Variants in PTCHD4 observed in about 807,000 individuals in gnomAD.
PTCHD4 encodes patched domain containing 4, also known as patched domain-containing protein 4.
PTCHD4 carries 33 observed loss-of-function variants against 58.1 expected under a neutral mutation model. The ratio of observed to expected loss-of-function variants is 0.57; its 90% CI spans 0.43 to 0.76. The LOEUF (loss-of-function observed/expected upper bound fraction) is 0.76. Ranked by LOEUF, PTCHD4 falls within the 30% of genes least tolerant of loss-of-function variation. The pLI is 0.00. For missense variants in PTCHD4, 1,058 were observed against 1,027.1 expected (o/e 1.03, Z -0.41); for synonymous variants, 478 against 409.6 (o/e 1.17, Z -2.02).
At chr6:47,947,173 A>G (rs1394349616) in intron 4 of PTCHD4, among the ~76,000 whole-genome samples, 2 of 151,996 alleles carry the variant, frequency 1.3e-5, no homozygotes, top group Admixed American at 6.6e-5. Flanking sequence ...AGAAATGTTT[A>G]TGTGCATATT....
rs904471685 is a variant in PTCHD4, at chr6:47,858,919, C to A, written c.*19384G>T. Among the ~76,000 whole-genome samples the A allele has an allele frequency of 3.3e-5, 5 of 151,984 alleles. No individual in the cohort carries two copies. Among genetic ancestry groups the A allele is most frequent in the Non-Finnish European group, 5.9e-5 (4 of 67,952 alleles). On this transcript the variant is annotated 3_prime_UTR_variant, in exon 5 of 5. Coordinates refer to ENST00000339488, the MANE Select transcript of PTCHD4 (RefSeq NM_001384253.1). ...CTTAATTCTTTCAGCCATTAGAGAA[C>A]CAGTTAATGATCTTACAGAACCTAT...
chr6:48,040,176 C>G (rs768785344), intron 3 of PTCHD4, among the ~76,000 whole-genome samples: 5 of 152,210 alleles, frequency 3.3e-5, no homozygotes, highest in African/African-American at 1.2e-4. Context: ...ACTACTAAGG[C>G]CATGCCACAC....
intron 4 of PTCHD4, among the ~76,000 whole-genome samples, chr6:47,985,491 G>A (rs569584105): frequency 1.3e-5 from 2 of 152,188 alleles, no homozygotes; most frequent in African/African-American, 4.8e-5. Flanking sequence ...AACATTGCTA[G>A]TTGGAAATAT....
At chr6:47,972,979 C>T (rs776838262) in intron 4 of PTCHD4, among the ~76,000 whole-genome samples, 7 of 152,012 alleles carry the variant, frequency 4.6e-5, no homozygotes, top group Non-Finnish European at 8.8e-5. Flanking sequence ...TATAATCTCT[C>T]ATTATGTTTT....
At chr6:48,091,737 C>T (rs1259362732) in intron 1 of PTCHD4, among the ~76,000 whole-genome samples, 1 of 151,576 alleles carries the variant, frequency 6.6e-6, no homozygotes, top group East Asian at 1.9e-4. Context: ...ATCTCCACTC[C>T]TGGGTTCAAG....
intron 4 of PTCHD4, among the ~76,000 whole-genome samples, chr6:47,950,766 A>C (rs181319347): frequency 1.4e-3 from 206 of 152,282 alleles, no homozygotes; most frequent in African/African-American, 4.9e-3. Flanking sequence ...GGACTCTATG[A>C]GGTCACCAAG....
At position 48,069,153 on chromosome 6, in the gene PTCHD4, T is replaced by TG. The variant is rs1764917004; in HGVS notation, c.-197dup. Reference sequence around the variant, plus strand: ...TGTGCCCCATAAAGGGGGGGGGGGCTGAGGGGGGGAGAGGAGGGAGAAGGG... The same window carrying TG: ...TGTGCCCCATAAAGGGGGGGGGGGCTGGAGGGGGGGAGAGGAGGGAGAAGGG... On this transcript the variant is annotated 5_prime_UTR_variant, in exon 2 of 5. The change creates a premature stop within an existing upstream ORF in the 5' untranslated region. Coordinates refer to ENST00000339488, the MANE Select transcript of PTCHD4 (RefSeq NM_001384253.1). 6.5e-5 allele frequency among the ~76,000 whole-genome samples: 1 copy of TG among 15,380 alleles called. No homozygotes were observed. 10.1% of individuals were successfully genotyped at this position (15,380 alleles called of 152,430 possible).
rs548662284 is a variant in PTCHD4 at position 47,858,346 on chromosome 6, A to G, written c.*19957T>C. Among the ~76,000 whole-genome samples, 2 of 152,164 alleles carry G rather than the reference A, an allele frequency of 1.3e-5. No individual in the cohort carries two copies. The highest frequency in any genetic ancestry group is 4.1e-4 in the South Asian group (2 of 4,826). ...TAGAACAAAGTAATGTGTATGAAAG[A>G]CAATTAGATATATTCAGCTTACCTT... On this transcript the variant is annotated 3_prime_UTR_variant, in exon 5 of 5. Coordinates refer to ENST00000339488, the MANE Select transcript of PTCHD4 (RefSeq NM_001384253.1).
chr6:48,074,466 A>G (rs1391676477), intron 1 of PTCHD4, among the ~76,000 whole-genome samples: 1 of 152,190 alleles, frequency 6.6e-6, no homozygotes, highest in Non-Finnish European at 1.5e-5. Flanking sequence ...TGTGTCTTGT[A>G]AGAGTGAAGA....
chr6:48,033,407 A>C (rs1763519025), intron 3 of PTCHD4, among the ~76,000 whole-genome samples: 1 of 151,644 alleles, frequency 6.6e-6, no homozygotes, highest in Admixed American at 6.6e-5. Flanking sequence ...TGTTAAGACC[A>C]ACCATGTGAG....
intron 1 of PTCHD4, among the ~76,000 whole-genome samples, chr6:48,083,949 T>G (rs1765212956): frequency 6.6e-6 from 1 of 152,178 alleles, no homozygotes; most frequent in Non-Finnish European, 1.5e-5. Context: ...TTAAGCCACA[T>G]TATACTCAGA....
At chr6:48,085,916 CT>C (rs1053927566) in intron 1 of PTCHD4, among the ~76,000 whole-genome samples, 7 of 152,062 alleles carry the variant, frequency 4.6e-5, no homozygotes, top group South Asian at 2.1e-4. Context: ...AAAAAACAAA[CT>C]TTTTTTCATC....
In PTCHD4 at chr6:47,898,692, C is replaced by G. The variant is rs189078653; in HGVS notation, c.899-18756G>C. ...TAGATAGGAGGATACTTCTACCTCC[C>G]AACTTGATGTAGACGACTTCTATTT... On this transcript the variant is annotated intron_variant, in intron 4 of 4. Transcript: ENST00000339488. Among the ~76,000 whole-genome samples the G allele has an allele frequency of 1.8e-4, 27 of 152,264 alleles. No individual in the cohort carries two copies. In the East Asian group the frequency reaches 5.2e-3, roughly 29 times the overall value.
chr6:48,020,596 G>A (rs1211345778), intron 3 of PTCHD4, among the ~76,000 whole-genome samples: 6 of 151,966 alleles, frequency 3.9e-5, no homozygotes, highest in East Asian at 3.9e-4. Flanking sequence ...CCTGCATGTC[G>A]AAACCAAGAT....
chr6:47,935,257 A>G, intron 4 of PTCHD4, among the ~76,000 whole-genome samples: 1 of 152,148 alleles, frequency 6.6e-6, no homozygotes, highest in South Asian at 2.1e-4. Context: ...ATCAATTGGG[A>G]AGTCTATCAT....
intron 3 of PTCHD4, among the ~76,000 whole-genome samples, chr6:48,042,626 G>A (rs915301447): frequency 1.3e-5 from 2 of 151,696 alleles, no homozygotes; most frequent in Non-Finnish European, 2.9e-5. Flanking sequence ...CAACCAAGAC[G>A]CTGACCCAAT....
intron 3 of PTCHD4, among the ~76,000 whole-genome samples, chr6:48,046,383 A>G (rs1243953670): frequency 1.3e-5 from 2 of 151,846 alleles, no homozygotes; most frequent in Admixed American, 6.6e-5. Flanking sequence ...GAATTCTCCC[A>G]GTCTCCTCTT....
rs1763643441 is a variant in PTCHD4, at chr6:47,868,857, A to G, written c.*9446T>C. On this transcript the variant is annotated 3_prime_UTR_variant, in exon 5 of 5. Coordinates refer to ENST00000339488, the MANE Select transcript of PTCHD4 (RefSeq NM_001384253.1). ...AAAGGAAAAAAGCAGAATAAAATTA[A>G]TAATTAAAATACTAAATTTGGACAG... Among the ~76,000 whole-genome samples, 1 of 151,764 alleles carries G rather than the reference A, an allele frequency of 6.6e-6. No individual in the cohort carries two copies. Among genetic ancestry groups the G allele is most frequent in the Admixed American group, 6.6e-5 (1 of 15,192 alleles).
intron 1 of PTCHD4, among the ~76,000 whole-genome samples, chr6:48,092,865 C>T (rs1006608616): frequency 3.3e-5 from 5 of 152,150 alleles, no homozygotes; most frequent in Admixed American, 1.3e-4. Context: ...AGTTTTTGCA[C>T]GAACATATTA....
Sources: allele counts gnomAD v4.1 joint callset (sites outside exome capture counted in the v4.1 genomes callset), GRCh38; gene constraint gnomAD v4.1.1; transcripts MANE v1.5; gene names NCBI Gene and HGNC (gene_info 2026-07-23, HGNC 2026-07-21).